CHRM2: variants seen among roughly 807,000 people sequenced by gnomAD.
CHRM2 encodes the protein muscarinic acetylcholine receptor M2.
CHRM2 carries 8 observed loss-of-function variants against 25.0 expected under a neutral mutation model. The observed-to-expected ratio is 0.32, with a 90% CI of 0.19 to 0.58. CHRM2 has a LOEUF of 0.58. Ranked by LOEUF, CHRM2 falls within the 20% of genes least tolerant of loss-of-function variation. The pLI, the probability that CHRM2 is intolerant of heterozygous loss-of-function variation, is 0.88. For synonymous variants in CHRM2, 202 were observed against 205.7 expected, an observed-to-expected ratio of 0.98 and a Z score of 0.15; for missense variants, 440 against 567.1, an observed-to-expected ratio of 0.78 and a Z score of 2.28.
chr7:136,905,139 T>C lies in CHRM2; in HGVS notation c.-125+35721T>C, dbSNP rs534487121. Among the ~76,000 whole-genome samples, 11 of 152,008 alleles carry C rather than the reference T, an allele frequency of 7.2e-5. 1 individual carries two copies. In the South Asian group the frequency reaches 2.3e-3, roughly 31 times the overall value. On this transcript the variant is annotated intron_variant, in intron 2 of 3. Transcript: ENST00000680005. Reference sequence around the variant, plus strand: ...TAGATGTTTGTTGCTTTTGTTGTTATTTCAAATTGTCTTACAAATTTCTAA... The same window carrying C: ...TAGATGTTTGTTGCTTTTGTTGTTACTTCAAATTGTCTTACAAATTTCTAA...
rs144813309 is a variant in CHRM2, at chr7:137,002,924, T to C, written c.-47+10660T>C. 6.3e-3 allele frequency among the ~76,000 whole-genome samples: 954 copies of C among 152,300 alleles called. 9 individuals are homozygous for C. Among genetic ancestry groups the C allele is most frequent in the African/African-American group, 0.021 (893 of 41,580 alleles). ...GGTGTATTATGCTAAGAGGCTGTTA[T>C]ATTATGTGCCTTTTTAAAAATATTG... On this transcript the variant is annotated intron_variant, in intron 3 of 3. Coordinates refer to ENST00000680005, the MANE Select transcript of CHRM2 (RefSeq NM_001006630.2).
chr7:136,967,195 G>A (rs1388062787), intron 2 of CHRM2, among the ~76,000 whole-genome samples: 2 of 152,004 alleles, frequency 1.3e-5, no homozygotes, highest in Non-Finnish European at 2.9e-5. Flanking sequence ...GGAAGGCAGG[G>A]AGGATAAAGG....
At chr7:136,900,107 T>C (rs1262377306) in intron 2 of CHRM2, among the ~76,000 whole-genome samples, 2 of 152,076 alleles carry the variant, frequency 1.3e-5, no homozygotes, top group Non-Finnish European at 2.9e-5. Context: ...TTTGTTTGCA[T>C]GAATTAAAAG....
chr7:136,983,321 T>A (rs1012351633), intron 2 of CHRM2, among the ~76,000 whole-genome samples: 2 of 152,190 alleles, frequency 1.3e-5, no homozygotes, highest in African/African-American at 4.8e-5. Flanking sequence ...TTTAAACTGG[T>A]TATTCCAGTT....
intron 2 of CHRM2, among the ~76,000 whole-genome samples, chr7:136,917,993 T>A (rs1798217116): frequency 6.6e-6 from 1 of 152,100 alleles, no homozygotes; most frequent in African/African-American, 2.4e-5. Flanking sequence ...AGTAGACACA[T>A]GACACATAAG....
chr7:136,982,084 T>C (rs188394897), intron 2 of CHRM2, among the ~76,000 whole-genome samples: 5 of 152,362 alleles, frequency 3.3e-5, no homozygotes, highest in African/African-American at 1.2e-4. Context: ...AGTCTAAGTC[T>C]CTTTGTATGT....
In CHRM2 at chr7:137,017,287, A is replaced by G. The variant is rs964998703; in HGVS notation, c.*1021A>G. 1 of 151,988 alleles carries G rather than the reference A, an allele frequency of 6.6e-6. No homozygotes were observed. The highest frequency in any genetic ancestry group is 1.5e-5 in the Non-Finnish European group (1 of 67,920). The allele number at this position is 151,988 out of a possible 1,614,324, so 9.4% of individuals were successfully genotyped here. ...GTGAATTTTAAGATTAAAAAATAGAAGTTTAGGACTTTCTATTTCAACCTG... is the reference window on the plus strand; with the variant it reads ...GTGAATTTTAAGATTAAAAAATAGAGGTTTAGGACTTTCTATTTCAACCTG... On this transcript the variant is annotated 3_prime_UTR_variant, in exon 4 of 4. Transcript: ENST00000680005.
chr7:136,956,033 G>T (rs1005845231), intron 2 of CHRM2, among the ~76,000 whole-genome samples: 3 of 152,038 alleles, frequency 2.0e-5, no homozygotes. Flanking sequence ...ACTACTCCCA[G>T]AGTTAGAAGT....
At chr7:136,914,240 C>A (rs1243859699) in intron 2 of CHRM2, 1 of 151,954 alleles carries the variant, frequency 6.6e-6, no homozygotes, top group Non-Finnish European at 1.5e-5. Context: ...CAACCTCAAA[C>A]TCATCTAGTC....
rs188691037 is a variant in CHRM2, at chr7:136,932,270, G to C, written c.-124-59917G>C. On this transcript the variant is annotated intron_variant, in intron 2 of 3. Coordinates refer to ENST00000680005, the MANE Select transcript of CHRM2 (RefSeq NM_001006630.2). ...AACTGACTAAGGAGGAAACAAAATGGAAATAGACATAGTAAAGAGAGTGAA... is the reference window on the plus strand; with the variant it reads ...AACTGACTAAGGAGGAAACAAAATGCAAATAGACATAGTAAAGAGAGTGAA... Among the ~76,000 whole-genome samples, 44 of 152,276 alleles carry C rather than the reference G, an allele frequency of 2.9e-4. 1 individual carries two copies. Among genetic ancestry groups the C allele is most frequent in the African/African-American group, 1.0e-3 (43 of 41,564 alleles).
intron 3 of CHRM2, among the ~76,000 whole-genome samples, chr7:137,010,920 G>T (rs1036790491): frequency 6.6e-6 from 1 of 151,874 alleles, no homozygotes; most frequent in African/African-American, 2.4e-5. Context: ...GAAACAGAGC[G>T]AGTGTGTATA....
chr7:136,998,381 G>C (rs1803749520), intron 3 of CHRM2, among the ~76,000 whole-genome samples: 1 of 152,188 alleles, frequency 6.6e-6, no homozygotes, highest in South Asian at 2.1e-4. Flanking sequence ...AAATTCAAGA[G>C]AGATTGAGTT....
chr7:136,906,194 CGT>C (rs1491193960), intron 2 of CHRM2, among the ~76,000 whole-genome samples: 3 of 148,420 alleles, frequency 2.0e-5, no homozygotes, highest in Non-Finnish European at 4.5e-5. Flanking sequence ...TATGTATATA[CGT>C]ATATATATAT....
chr7:136,996,920 T>C (rs954867925), intron 3 of CHRM2, among the ~76,000 whole-genome samples: 1 of 152,166 alleles, frequency 6.6e-6, no homozygotes, highest in African/African-American at 2.4e-5. Flanking sequence ...GATTTAAAAA[T>C]TTGAAGAGTT....
At position 136,934,342 on chromosome 7, in the gene CHRM2, T is replaced by C. The variant is rs550823311; in HGVS notation, c.-124-57845T>C. Among the ~76,000 whole-genome samples the C allele has an allele frequency of 5.5e-3, 838 of 152,220 alleles. 4 individuals are homozygous for C. The highest frequency in any genetic ancestry group is 0.019 in the African/African-American group (796 of 41,550). Reference sequence around the variant, plus strand: ...AACATCTATTTTCTATTTTTTATTCTTATGTCCACAGAGATACTTCATGTC... The same window carrying C: ...AACATCTATTTTCTATTTTTTATTCCTATGTCCACAGAGATACTTCATGTC... On this transcript the variant is annotated intron_variant, in intron 2 of 3. Coordinates refer to ENST00000680005, the MANE Select transcript of CHRM2 (RefSeq NM_001006630.2).
intron 2 of CHRM2, among the ~76,000 whole-genome samples, chr7:136,941,989 T>C (rs897618023): frequency 1.3e-5 from 2 of 152,156 alleles, no homozygotes; most frequent in African/African-American, 4.8e-5. Context: ...GAACTTTCTA[T>C]CTTTTAGATG....
chr7:136,898,234 G>A (rs770424862), intron 2 of CHRM2, among the ~76,000 whole-genome samples: 63 of 152,164 alleles, frequency 4.1e-4, no homozygotes, highest in Non-Finnish European at 8.5e-4. Context: ...GCTCATGTTA[G>A]CCTTATGTAC....
Position 137,016,366 on chromosome 7 carries a change from T to C in CHRM2, c.*100T>C. The C allele has an allele frequency of 8.2e-7, 1 of 1,222,924 alleles. No individual in the cohort carries two copies. The highest frequency in any genetic ancestry group is 1.9e-5 in the Admixed American group (1 of 52,280). 75.8% of individuals were successfully genotyped at this position (1,222,924 alleles called of 1,614,324 possible). Reference sequence around the variant, plus strand: ...TTAAAATCTCTGCCATTGCACTTTATAGTCTGATTACAAAACGTGCAATTC... The same window carrying C: ...TTAAAATCTCTGCCATTGCACTTTACAGTCTGATTACAAAACGTGCAATTC... On this transcript the variant is annotated 3_prime_UTR_variant, in exon 4 of 4. Coordinates refer to ENST00000680005, the MANE Select transcript of CHRM2 (RefSeq NM_001006630.2).
Position 137,001,898 on chromosome 7 carries a change from T to C in CHRM2, c.-47+9634T>C, listed in dbSNP as rs184043531. 1.8e-4 allele frequency among the ~76,000 whole-genome samples: 28 copies of C among 152,262 alleles called. No individual in the cohort carries two copies. The East Asian group carries it at 3.3e-3, about 18-fold the overall frequency. On this transcript the variant is annotated intron_variant, in intron 3 of 3. Coordinates refer to ENST00000680005, the MANE Select transcript of CHRM2 (RefSeq NM_001006630.2). Reference sequence around the variant, plus strand: ...CAGAAGAGTAACATGACATGAGAGATTGGGAAACTGTCCTTCTGTGGGGTT... The same window carrying C: ...CAGAAGAGTAACATGACATGAGAGACTGGGAAACTGTCCTTCTGTGGGGTT...
Sources: gnomAD v4.1 joint callset for allele counts (sites outside exome capture counted in the v4.1 genomes callset) on GRCh38, gnomAD v4.1.1 for gene constraint, MANE v1.5 for transcripts, NCBI Gene and HGNC (gene_info 2026-07-23, HGNC 2026-07-21) for gene names.